The following ADRA1A variants were observed in gnomAD, a reference collection of about 807,000 sequenced individuals.
ADRA1A encodes the protein adrenoceptor alpha 1A, also known as alpha-1A adrenergic receptor.
Under a neutral mutation model 29.6 loss-of-function variants are expected in ADRA1A, and 31 were observed. The ratio of observed to expected loss-of-function variants is 1.05; its 90% CI spans 0.79 to 1.41. The LOEUF is 1.41. ADRA1A is among the 40% of genes most tolerant of loss of function. The pLI is 0.00. For synonymous variants in ADRA1A, 311 were observed against 254.3 expected (o/e 1.22, Z -2.12); for missense variants, 619 against 601.1 (o/e 1.03, Z -0.31).
intron 2 of ADRA1A, among the ~76,000 whole-genome samples, chr8:26,801,912 C>T (rs1166273949): frequency 2.6e-5 from 4 of 152,062 alleles, no homozygotes; most frequent in South Asian, 2.1e-4. Flanking sequence ...ACAAACAAAA[C>T]TGAATGAAGA....
At chr8:26,772,883 A>ACTTG (rs79239280) in intron 2 of ADRA1A, among the ~76,000 whole-genome samples, 1 of 151,610 alleles carries the variant, frequency 6.6e-6, no homozygotes, top group Non-Finnish European at 1.5e-5. Context: ...ACACACACAC[A>ACTTG]ATGGGTGTTT....
downstream of ADRA1A, among the ~76,000 whole-genome samples, chr8:26,761,838 T>C (rs184353873): frequency 2.4e-3 from 362 of 152,250 alleles, 1 homozygote; most frequent in African/African-American, 8.2e-3. Context: ...ATATGATAAG[T>C]TGGCAGAAGG....
Position 26,865,810 on chromosome 8 carries a change from A to G in ADRA1A, c.-686-155T>C. ...CCGGCAGCGGTGGAGGCGACTTCGG[A>G]GCTCATCTCGCGCCCCCACCACTGG... is the stretch of plus-strand genomic sequence containing the variant. On this transcript the variant is annotated intron_variant, in intron 1 of 2. Coordinates refer to ENST00000380573, the MANE Select transcript of ADRA1A (RefSeq NM_000680.4). The surrounding 1 kb of genome is among the most constrained non-coding windows in gnomAD (Gnocchi z 7.6). The G allele has an allele frequency of 4.5e-6, 3 of 663,770 alleles. No homozygotes were observed. The highest frequency in any genetic ancestry group is 5.6e-6 in the Non-Finnish European group (3 of 536,454). 41.1% of individuals were successfully genotyped at this position (663,770 alleles called of 1,614,324 possible). A position where few individuals can be genotyped will look rare whatever the true frequency, so the allele number is the denominator to read the frequency against.
chr8:26,851,890 T>G (rs930961573), intron 2 of ADRA1A, among the ~76,000 whole-genome samples: 2 of 152,080 alleles, frequency 1.3e-5, no homozygotes, highest in African/African-American at 4.8e-5. Flanking sequence ...GATTAATGGA[T>G]AAAGAAGATC....
At position 26,827,108 on chromosome 8, in the gene ADRA1A, G is replaced by A. The variant is rs534914190; in HGVS notation, c.883+36979C>T. The stretch of plus-strand genomic sequence containing the variant: ...AGAAAATAGATGATTCATGCAATGT[G>A]CTTAAAATAGTATCTGGCATGTTGT... On this transcript the variant is annotated intron_variant, in intron 2 of 2. Transcript: ENST00000380573. Among the ~76,000 whole-genome samples the A allele has an allele frequency of 5.9e-5, 9 of 152,300 alleles. No homozygotes were observed. The East Asian group carries it at 1.7e-3, about 29-fold the overall frequency.
intron 2 of ADRA1A, among the ~76,000 whole-genome samples, chr8:26,846,220 A>T (rs1296696443): frequency 6.6e-6 from 1 of 152,252 alleles, no homozygotes; most frequent in Non-Finnish European, 1.5e-5. Context: ...TGTTGGCAAC[A>T]CAGTAAACAA....
chr8:26,763,625 G>A (rs1256420524), downstream of ADRA1A, among the ~76,000 whole-genome samples: 1 of 152,118 alleles, frequency 6.6e-6, no homozygotes, highest in African/African-American at 2.4e-5. This position sits in a 1 kb window ranked among gnomAD's most constrained non-coding sequence, Gnocchi z 4.5. Context: ...TGTGTCAATG[G>A]CATATGAAAA....
intron 2 of ADRA1A, among the ~76,000 whole-genome samples, chr8:26,784,110 A>G (rs533474276): frequency 6.6e-6 from 1 of 152,318 alleles, no homozygotes; most frequent in African/African-American, 2.4e-5. Context: ...CTGTGCAGCA[A>G]ACCACCATGG....
At chr8:26,788,634 T>C (rs1243549618) in intron 2 of ADRA1A, among the ~76,000 whole-genome samples, 6 of 152,174 alleles carry the variant, frequency 3.9e-5, no homozygotes, top group African/African-American at 1.4e-4. Context: ...CCATGTAAGG[T>C]AGGCATTGTT....
Position 26,867,091 on chromosome 8 carries a change from C to T in ADRA1A, c.-842G>A. 3 of 985,510 alleles carry T rather than the reference C, an allele frequency of 3.0e-6. No individual in the cohort carries two copies. The highest frequency in any genetic ancestry group is 2.4e-6 in the Non-Finnish European group (2 of 829,960). 61.0% of individuals were successfully genotyped at this position (985,510 alleles called of 1,614,324 possible). A position where few individuals can be genotyped will look rare whatever the true frequency, so the allele number is the denominator to read the frequency against. On this transcript the variant is annotated 5_prime_UTR_variant, in exon 1 of 3. Transcript: ENST00000380573. ...TCCTTTTGCACCCGCTGACTCACCC[C>T]TCCACCACTGATGTCTTTAAGCTCC...
chr8:26,768,167 T>C (rs1585644406), downstream of ADRA1A, among the ~76,000 whole-genome samples: 2 of 152,134 alleles, frequency 1.3e-5, no homozygotes, highest in Non-Finnish European at 2.9e-5. Context: ...ATACCCTCCA[T>C]TGCAATGTGG....
chr8:26,788,959 G>C (rs1807607040), intron 2 of ADRA1A, among the ~76,000 whole-genome samples: 1 of 152,070 alleles, frequency 6.6e-6, no homozygotes, highest in Non-Finnish European at 1.5e-5. Flanking sequence ...TTTACTTTAA[G>C]TTCTGGGATA....
Position 26,770,568 on chromosome 8 carries a change from A to G in ADRA1A, c.982T>C (p.Cys328Arg), listed in dbSNP as rs1436732422. 2 of 1,614,086 alleles carry G rather than the reference A, an allele frequency of 1.2e-6. No homozygotes were observed. Among genetic ancestry groups the G allele is most frequent in the Non-Finnish European group, 8.5e-7 (1 of 1,180,034 alleles). Residue 328 changes from cysteine (C) to arginine (R), a missense_variant, in exon 3 of 3, where the codon TGC (cysteine) becomes CGC (arginine). By Grantham distance (180) the Cys-to-Arg change is radical (BLOSUM62 -3). Coordinates refer to ENST00000380573, the MANE Select transcript of ADRA1A (RefSeq NM_000680.4). The stretch of plus-strand genomic sequence containing the variant: ...GCCTTTTTGAACTCTTGGCTGGAGC[A>G]TGGGTATATGATGGGGTTGATGCAG... The part of the protein sequence containing the change: ...NSCINPIIYP[C>R]SSQEFKKAFQ...
At chr8:26,792,510 G>A (rs1229053419) in intron 2 of ADRA1A, among the ~76,000 whole-genome samples, 5 of 151,226 alleles carry the variant, frequency 3.3e-5, no homozygotes, top group African/African-American at 1.2e-4. Flanking sequence ...AATGCATATA[G>A]ACTGGAAGGA....
Position 26,866,675 on chromosome 8 carries a change from T to C in ADRA1A, c.-687+261A>G, listed in dbSNP as rs1813926163. ...CGCAAGTTGGAGACCTCACAGGTGG[T>C]ATTAAAAACGTGCCACTGCAGAAAC... On this transcript the variant is annotated intron_variant, in intron 1 of 2. Transcript: ENST00000380573. The surrounding 1 kb of genome is among the most constrained non-coding windows in gnomAD (Gnocchi z 5.7). Among the ~76,000 whole-genome samples the C allele has an allele frequency of 2.0e-5, 3 of 152,132 alleles. No individual in the cohort carries two copies. The highest frequency in any genetic ancestry group is 6.5e-5 in the Admixed American group (1 of 15,276).
intron 2 of ADRA1A, among the ~76,000 whole-genome samples, chr8:26,780,956 T>G (rs903121406): frequency 3.3e-5 from 5 of 152,178 alleles, no homozygotes; most frequent in African/African-American, 4.8e-5. Context: ...TGATTCTACA[T>G]TATGGTGAGT....
intron 2 of ADRA1A, among the ~76,000 whole-genome samples, chr8:26,858,708 C>T (rs969778385): frequency 1.3e-5 from 2 of 152,158 alleles, no homozygotes; most frequent in Admixed American, 6.5e-5. Context: ...AGGCTGACAC[C>T]GTCATAGTCT....
At chr8:26,756,026 G>T (rs562634494), downstream of ADRA1A, among the ~76,000 whole-genome samples, 19 of 152,270 alleles carry the variant, frequency 1.2e-4, no homozygotes, top group Non-Finnish European at 2.4e-4. Context: ...TGGAAGAACG[G>T]CATGTGGCCT....
At chr8:26,849,682 G>T (rs558273537) in intron 2 of ADRA1A, among the ~76,000 whole-genome samples, 3 of 152,130 alleles carry the variant, frequency 2.0e-5, no homozygotes, top group Non-Finnish European at 2.9e-5. Flanking sequence ...CCCTCTATGA[G>T]GTTGAAGAAA....
Sources: gnomAD v4.1 joint callset for allele counts (sites outside exome capture counted in the v4.1 genomes callset) on GRCh38, gnomAD v4.1.1 for gene constraint, Gnocchi (gnomAD v3.1) non-coding constraint, MANE v1.5 for transcripts, NCBI Gene and HGNC (gene_info 2026-07-23, HGNC 2026-07-21) for gene names.